Variants in FAM98B observed in about 807,000 individuals in gnomAD.
The protein encoded by FAM98B is tRNA-splicing ligase complex subunit FAM98B.
In FAM98B, 32 loss-of-function variants were observed where a neutral mutation model predicts 43.9. The observed-to-expected ratio is 0.73, with a 90% CI of 0.55 to 0.98. FAM98B has a LOEUF of 0.98. FAM98B is among the 50% of genes least tolerant of loss of function. FAM98B has a pLI of 0.00. For missense variants in FAM98B, 514 were observed against 522.9 expected (o/e 0.98, Z 0.17); for synonymous variants, 190 against 174.0 (o/e 1.09, Z -0.72).
chr15:38,459,715 C>T (rs749926747), intron 1 of FAM98B, among the ~76,000 whole-genome samples: 1 of 152,194 alleles, frequency 6.6e-6, no homozygotes, highest in Non-Finnish European at 1.5e-5. Context: ...TGGCCTGTAC[C>T]AAGGGTGGGC....
chr15:38,471,627 G>C (rs1375554963), intron 4 of FAM98B, among the ~76,000 whole-genome samples: 1 of 151,952 alleles, frequency 6.6e-6, no homozygotes, highest in African/African-American at 2.4e-5. Flanking sequence ...TGGCCATCTT[G>C]GCTAAATATT....
At chr15:38,477,943 G>A (rs994703700) in intron 6 of FAM98B, among the ~76,000 whole-genome samples, 3 of 152,192 alleles carry the variant, frequency 2.0e-5, no homozygotes, top group Non-Finnish European at 4.4e-5. Flanking sequence ...CAGCATTACT[G>A]AGCTCTGGAA....
At chr15:38,484,195 A>G in intron 7 of FAM98B, 60 bp from the exon 8 acceptor site, 1 of 1,490,236 alleles carries the variant, frequency 6.7e-7, no homozygotes. Context: ...CATCACTTGA[A>G]ACTTTTATGT....
At chr15:38,476,466 T>G (rs1004265781) in intron 6 of FAM98B, among the ~76,000 whole-genome samples, 1 of 152,078 alleles carries the variant, frequency 6.6e-6, no homozygotes, top group Non-Finnish European at 1.5e-5. Context: ...TCTGAAATGC[T>G]TTAGTCAGAT....
rs1426663606 is a variant in FAM98B, at chr15:38,454,178, C to T, written c.17C>T (p.Pro6Leu). The T allele has an allele frequency of 2.5e-6, 4 of 1,601,038 alleles. No individual in the cohort carries two copies. The highest frequency in any genetic ancestry group is 1.3e-5 in the African/African-American group (1 of 74,850). Residue 6 changes from proline (P) to leucine (L), a missense_variant, in exon 1 of 8, where the codon CCG becomes CTG. Coordinates refer to ENST00000397609, the MANE Select transcript of FAM98B (RefSeq NM_173611.4). MRGPE[P>L]GPQPTMEGDV... is the part of the protein sequence containing the mutation. ...CAAAGGACCATGAGAGGGCCGGAGC[C>T]GGGTCCCCAACCGACGATGGAGGGA...
rs936915610 is a variant in FAM98B, at chr15:38,477,298, A to AT, written c.729+3009dup. On this transcript the variant is annotated intron_variant, in intron 6 of 7. Coordinates refer to ENST00000397609, the MANE Select transcript of FAM98B (RefSeq NM_173611.4). ...TCATTTTCTCAGGAAGATAAACCTC[A>AT]TTTTTTTTTCCTATATACTGTGTTT... Among the ~76,000 whole-genome samples, 594 of 149,052 alleles carry AT rather than the reference A, an allele frequency of 4.0e-3. 10 individuals are homozygous for AT. The highest frequency in any genetic ancestry group is 0.013 in the African/African-American group (545 of 40,710).
Position 38,470,321 on chromosome 15 carries a change from A to G in FAM98B, c.447A>G (p.Glu149=), listed in dbSNP as rs781483067. 2.5e-6 allele frequency: 4 copies of G among 1,607,710 alleles called. No individual in the cohort carries two copies. Among genetic ancestry groups the G allele is most frequent in the Non-Finnish European group, 1.7e-6 (2 of 1,177,902 alleles). The stretch of plus-strand genomic sequence containing the variant: ...ATAAAAATAGTGAAGTTTATCAGGA[A>G]GTTCAAGCTATGTTTGATACACTTG... The part of the protein sequence containing the change: ...QLDKNSEVYQ[E]VQAMFDTLGI... Residue 149 remains glutamate (E), a synonymous_variant, in exon 4 of 8, where the codon GAA becomes GAG. Transcript: ENST00000397609.
chr15:38,466,463 G>T (rs913404686), intron 3 of FAM98B, among the ~76,000 whole-genome samples: 16 of 152,102 alleles, frequency 1.1e-4, no homozygotes, highest in African/African-American at 3.6e-4. Context: ...ATCAGTCAAT[G>T]AGAATTATGT....
At chr15:38,470,018 T>C (rs1890098789) in intron 3 of FAM98B, among the ~76,000 whole-genome samples, 1 of 152,182 alleles carries the variant, frequency 6.6e-6, no homozygotes, top group Admixed American at 6.5e-5. Context: ...TTTTTTCTCA[T>C]TTCATTTAAA....
At chr15:38,462,967 G>A (rs1889972819) in intron 1 of FAM98B, among the ~76,000 whole-genome samples, 1 of 152,130 alleles carries the variant, frequency 6.6e-6, no homozygotes. Context: ...ACCTGAATGG[G>A]CTACTATAAA....
chr15:38,454,306 T>G, intron 1 of FAM98B, 74 bp downstream of exon 1: 1 of 1,495,572 alleles, frequency 6.7e-7, no homozygotes, highest in South Asian at 1.2e-5. Context: ...CCTACTTCCC[T>G]TGGGCCTCTG....
chr15:38,458,892 T>C (rs77318665), intron 1 of FAM98B: 1 of 441,736 alleles, frequency 2.3e-6, no homozygotes, highest in Non-Finnish European at 4.5e-6. Flanking sequence ...GGGTGGAAGA[T>C]GTAAGAAGCA....
chr15:38,458,659 C>G (rs1010158021), intron 1 of FAM98B: 1 of 187,492 alleles, frequency 5.3e-6, no homozygotes, highest in Non-Finnish European at 1.1e-5. Flanking sequence ...TGGTGAGGCC[C>G]TCCAGCTTTC....
At position 38,458,948 on chromosome 15, in the gene FAM98B, C is replaced by T. The variant is rs796417162; in HGVS notation, c.71+4716C>T. The T allele has an allele frequency of 1.7e-5, 7 of 409,284 alleles. 1 individual carries two copies. The highest frequency in any genetic ancestry group is 6.4e-5 in the East Asian group (1 of 15,556). 25.4% of individuals were successfully genotyped at this position (409,284 alleles called of 1,614,324 possible). A position where few individuals can be genotyped will look rare whatever the true frequency, so the allele number is the denominator to read the frequency against. ...GGTTTTCCTCAGGTTCCTCCCCAGGCGGCTGAGGTTCCTGACTTAGCAGCC... is the reference window on the plus strand; with the variant it reads ...GGTTTTCCTCAGGTTCCTCCCCAGGTGGCTGAGGTTCCTGACTTAGCAGCC... On this transcript the variant is annotated intron_variant, in intron 1 of 7. Transcript: ENST00000397609.
rs148765237 is a variant in FAM98B at position 38,454,233 on chromosome 15, G to T, written c.71+1G>T. The T allele has an allele frequency of 1.2e-6, 2 of 1,600,972 alleles. No individual in the cohort carries two copies. Among genetic ancestry groups the T allele is most frequent in the East Asian group, 4.5e-5 (2 of 44,356 alleles). On this transcript the variant is annotated splice_donor_variant, in intron 1 of 7. Coordinates refer to ENST00000397609, the MANE Select transcript of FAM98B (RefSeq NM_173611.4). LOFTEE classifies it high-confidence loss of function. ...TGCTGGACACACTGGAGGCGCTGGGGTGAGTGCTTTTGGAGACGCCTTTTC... is the reference window on the plus strand; with the variant it reads ...TGCTGGACACACTGGAGGCGCTGGGTTGAGTGCTTTTGGAGACGCCTTTTC...
chr15:38,459,374 C>T (rs919816140), intron 1 of FAM98B: 3 of 418,776 alleles, frequency 7.2e-6, no homozygotes, highest in Admixed American at 2.7e-5. Flanking sequence ...TGGATGAGCT[C>T]AGTGGAAGAG....
Position 38,468,900 on chromosome 15 carries a change from C to CA in FAM98B, c.353-1324dup, listed in dbSNP as rs535681997. 1.8e-3 allele frequency among the ~76,000 whole-genome samples: 270 copies of CA among 152,162 alleles called. 1 individual carries two copies. The highest frequency in any genetic ancestry group is 6.1e-3 in the African/African-American group (254 of 41,504). On this transcript the variant is annotated intron_variant, in intron 3 of 7. Transcript: ENST00000397609. ...CTAATTTTAACTAAACAAATAAAAA[C>CA]AAAGTATTTATTTATGTATTTTTTG...
chr15:38,477,553 C>T (rs1595803231), intron 6 of FAM98B, among the ~76,000 whole-genome samples: 1 of 152,126 alleles, frequency 6.6e-6, no homozygotes. Context: ...TTCCAAACAC[C>T]TGACAGATAC....
At chr15:38,454,492 G>T (rs766933254) in intron 1 of FAM98B, among the ~76,000 whole-genome samples, 1 of 152,236 alleles carries the variant, frequency 6.6e-6, no homozygotes, top group Admixed American at 6.5e-5. Context: ...GCAGGAATCC[G>T]CCGGGTGGCG....
Sources: allele counts gnomAD v4.1 joint callset (sites outside exome capture counted in the v4.1 genomes callset), GRCh38; gene constraint gnomAD v4.1.1; transcripts MANE v1.5; gene names NCBI Gene and HGNC (gene_info 2026-07-23, HGNC 2026-07-21).